Variants in NLGN4X observed in about 807,000 individuals in gnomAD.
The protein encoded by NLGN4X is neuroligin-4, X-linked.
NLGN4X carries 3 observed loss-of-function variants against 40.3 expected under a neutral mutation model. The observed-to-expected ratio is 0.07, with a 90% CI of 0.03 to 0.19. The LOEUF (loss-of-function observed/expected upper bound fraction) is 0.19, where lower values mean the gene tolerates loss of function less well. Among genes scored for constraint, NLGN4X ranks in the 10% least tolerant of loss-of-function variants. NLGN4X has a pLI of 1.00. For synonymous variants in NLGN4X, 270 were observed against 306.8 expected, an observed-to-expected ratio of 0.88 and a Z score of 1.25; for missense variants, 382 against 708.3, an observed-to-expected ratio of 0.54 and a Z score of 5.23.
intron 1 of NLGN4X, among the ~76,000 whole-genome samples, chrX:6,209,497 A>G (rs921056099): frequency 2.7e-5 from 3 of 111,938 alleles, no homozygotes; most frequent in African/African-American, 9.7e-5. Context: ...AGAATTATCC[A>G]GCCTCAACGT....
At chrX:5,917,672 T>C (rs1156949482) in intron 3 of NLGN4X, among the ~76,000 whole-genome samples, 1 of 111,894 alleles carries the variant, frequency 8.9e-6, no homozygotes, top group Non-Finnish European at 1.9e-5. Context: ...TGTTCAAAAA[T>C]GGTTACCTAC....
At chrX:6,070,468 G>A (rs766941365) in intron 2 of NLGN4X, among the ~76,000 whole-genome samples, 1 of 111,617 alleles carries the variant, frequency 9.0e-6, no homozygotes, top group African/African-American at 3.3e-5. Context: ...TTTCAGCCAG[G>A]TGCAGTGGAT....
chrX:6,077,303 T>TG (rs1338196268), intron 2 of NLGN4X, among the ~76,000 whole-genome samples: 13 of 99,302 alleles, frequency 1.3e-4, no homozygotes, highest in African/African-American at 2.8e-4. Context: ...TGTCTGTGTG[T>TG]GTGTGTGGTG....
At chrX:6,212,655 A>G (rs992344446) in intron 1 of NLGN4X, among the ~76,000 whole-genome samples, 15 of 112,340 alleles carry the variant, frequency 1.3e-4, no homozygotes, top group African/African-American at 4.2e-4. Flanking sequence ...GCAATGAAGC[A>G]TATTCAAGGA....
At chrX:5,974,419 C>A (rs1008947521) in intron 3 of NLGN4X, among the ~76,000 whole-genome samples, 1 of 111,200 alleles carries the variant, frequency 9.0e-6, no homozygotes, top group African/African-American at 3.3e-5. Context: ...GAGGCTCAAG[C>A]GAAAGGAAGA....
chrX:6,162,789 C>T (rs1203575572), intron 1 of NLGN4X, among the ~76,000 whole-genome samples: 2 of 111,614 alleles, frequency 1.8e-5, no homozygotes, highest in African/African-American at 6.5e-5. Context: ...TATTATTGCA[C>T]GTGCTATGGT....
intron 2 of NLGN4X, among the ~76,000 whole-genome samples, chrX:6,125,992 GTTTCT>G (rs764596440): frequency 7.9e-4 from 54 of 68,725 alleles, no homozygotes; most frequent in Non-Finnish European, 1.4e-3. Flanking sequence ...TTTTAAAAAT[GTTTCT>G]TTTAAGATTA....
chrX:5,988,789 G>A (rs1476368654), intron 3 of NLGN4X, among the ~76,000 whole-genome samples: 4 of 112,448 alleles, frequency 3.6e-5, no homozygotes, highest in Admixed American at 2.8e-4. Context: ...TTGAGGCTGG[G>A]CGCATTGGCT....
chrX:6,005,426 G>A (rs2036080078), intron 3 of NLGN4X, among the ~76,000 whole-genome samples: 1 of 111,433 alleles, frequency 9.0e-6, no homozygotes, highest in Non-Finnish European at 1.9e-5. Flanking sequence ...TCTCTGAGTG[G>A]CATTTAGCTT....
At chrX:5,996,428 G>A (rs748346056) in intron 3 of NLGN4X, among the ~76,000 whole-genome samples, 1 of 111,652 alleles carries the variant, frequency 9.0e-6, no homozygotes, top group South Asian at 3.8e-4. Flanking sequence ...AGATAACAGA[G>A]GCACAGAGCC....
At chrX:6,228,340 G>A (rs1380119210) in intron 1 of NLGN4X, among the ~76,000 whole-genome samples, 1 of 111,886 alleles carries the variant, frequency 8.9e-6, no homozygotes, top group Non-Finnish European at 1.9e-5. Flanking sequence ...AAGAAATGCA[G>A]CGAGACAGAT....
At chrX:5,968,078 G>A (rs1423478670) in intron 3 of NLGN4X, among the ~76,000 whole-genome samples, 3 of 111,372 alleles carry the variant, frequency 2.7e-5, no homozygotes, top group African/African-American at 9.8e-5. Flanking sequence ...CTTGAGAGCA[G>A]AAGCCACAAG....
At chrX:6,184,546 G>A (rs1250597905) in intron 1 of NLGN4X, among the ~76,000 whole-genome samples, 3 of 107,645 alleles carry the variant, frequency 2.8e-5, no homozygotes, top group Admixed American at 2.0e-4. Flanking sequence ...ATGCTGGGGG[G>A]GGTGGGGAAT....
At position 5,978,302 on chromosome X, in the gene NLGN4X, TTCTTTCTTTC is replaced by T. The variant is rs1410500105; in HGVS notation, c.625+50968_625+50977del. Among the ~76,000 whole-genome samples, 14 of 92,127 alleles carry T rather than the reference TTCTTTCTTTC, an allele frequency of 1.5e-4. 1 individual carries two copies. The highest frequency in any genetic ancestry group is 0.011 in the Middle Eastern group (2 of 189). The allele number at this position is 92,127 out of a possible 115,157, so 80.0% of individuals were successfully genotyped here. ...TTTCTTTCTTTCTTTCTTTCTTTCT[TTCTTTCTTTC>T]TTTCTTTCTTTCTTTCTTTCTTTCT... On this transcript the variant is annotated intron_variant, in intron 3 of 5. Coordinates refer to ENST00000381095, the MANE Select transcript of NLGN4X (RefSeq NM_181332.3).
In NLGN4X at chrX:6,175,001, C is replaced by T. The variant is rs749409480; in HGVS notation, c.-305-23230G>A. On this transcript the variant is annotated intron_variant, in intron 1 of 5. Transcript: ENST00000381095. ...TCTTTGTGTCCTCATTCTGAAGGCT[C>T]CTGTGTTACACAAATCTACAACTTA... is the stretch of plus-strand genomic sequence containing the variant. Among the ~76,000 whole-genome samples, 3 of 111,753 alleles carry T rather than the reference C, an allele frequency of 2.7e-5. No individual in the cohort carries two copies. In the East Asian group the frequency reaches 8.4e-4, roughly 31 times the overall value.
At chrX:5,961,884 C>A (rs1210283451) in intron 3 of NLGN4X, among the ~76,000 whole-genome samples, 1 of 112,063 alleles carries the variant, frequency 8.9e-6, no homozygotes, top group African/African-American at 3.2e-5. Context: ...CTGCTCAAAC[C>A]GAGTTTTCAA....
intron 1 of NLGN4X, among the ~76,000 whole-genome samples, chrX:6,213,688 T>C (rs1183990303): frequency 1.8e-5 from 2 of 112,547 alleles, no homozygotes; most frequent in African/African-American, 6.5e-5. Context: ...AACAGGTTTG[T>C]ATTTTGTAAA....
chrX:5,987,053 T>C (rs1436588791), intron 3 of NLGN4X, among the ~76,000 whole-genome samples: 1 of 111,565 alleles, frequency 9.0e-6, no homozygotes, highest in Non-Finnish European at 1.9e-5. Context: ...TATAATAACC[T>C]CAAACTCAAA....
chrX:6,167,446 G>A (rs529020202), intron 1 of NLGN4X, among the ~76,000 whole-genome samples: 9 of 112,231 alleles, frequency 8.0e-5, no homozygotes, highest in African/African-American at 1.9e-4. Flanking sequence ...AGACTAAGAC[G>A]TGAAACTAAA....
Sources: allele counts gnomAD v4.1 joint callset (sites outside exome capture counted in the v4.1 genomes callset), GRCh38; gene constraint gnomAD v4.1.1; transcripts MANE v1.5; gene names NCBI Gene and HGNC (gene_info 2026-07-23, HGNC 2026-07-21).